The following CACNA1I variants were observed in gnomAD, a reference collection of about 807,000 sequenced individuals.
CACNA1I encodes voltage-dependent T-type calcium channel subunit alpha-1I.
A neutral mutation model predicts 201.6 loss-of-function variants in CACNA1I; 74 were observed. The observed-to-expected ratio is 0.37, with a 90% CI of 0.30 to 0.45. The LOEUF (loss-of-function observed/expected upper bound fraction) is 0.45, where lower values mean the gene tolerates loss of function less well. Ranked by LOEUF, CACNA1I falls within the 20% of genes least tolerant of loss-of-function variation. The pLI is 1.00. For missense variants in CACNA1I, 2,346 were observed against 3,138.1 expected (o/e 0.75, Z 6.03); for synonymous variants, 1,431 against 1,345.2 (o/e 1.06, Z -1.40).
Position 39,677,372 on chromosome 22 carries a change from T to C in CACNA1I, c.4886T>C (p.Leu1629Pro), listed in dbSNP as rs745852805. Residue 1629 changes from leucine (L) to proline (P), a missense_variant, in exon 30 of 37, where the codon CTC (leucine) becomes CCC (proline). By Grantham distance (98) the Leu-to-Pro change is moderately conservative (BLOSUM62 -3). Around this residue, in one of 13 missense-constraint regions of CACNA1I, gnomAD observed 50 missense variants for 43.6 expected, o/e 1.15. Transcript: ENST00000402142. The surrounding 1 kb of genome is among the most constrained non-coding windows in gnomAD (Gnocchi z 4.8). ...VGNLGLLFML[L>P]FFIYAALGVE... The stretch of plus-strand genomic sequence containing the variant: ...AACCTGGGCCTCCTCTTCATGCTGC[T>C]CTTCTTCATCTATGCTGCTCTCGGG... The C allele has an allele frequency of 6.2e-7, 1 of 1,600,040 alleles. No homozygotes were observed. The highest frequency in any genetic ancestry group is 8.5e-7 in the Non-Finnish European group (1 of 1,175,532).
At chr22:39,572,244 G>A (rs1932208431) in intron 1 of CACNA1I, among the ~76,000 whole-genome samples, 1 of 152,186 alleles carries the variant, frequency 6.6e-6, no homozygotes, top group African/African-American at 2.4e-5. Flanking sequence ...GACCACTGAG[G>A]AGGAGGCTTG....
At chr22:39,586,132 C>T (rs963650979) in intron 1 of CACNA1I, among the ~76,000 whole-genome samples, 20 of 150,008 alleles carry the variant, frequency 1.3e-4, no homozygotes, top group African/African-American at 4.7e-4. Context: ...GAGCCGAGAT[C>T]GTGCCATTGT....
At chr22:39,661,432 G>C (rs1439043312) in intron 16 of CACNA1I, 122 bp downstream of exon 16, 1 of 752,850 alleles carries the variant, frequency 1.3e-6, no homozygotes, top group Non-Finnish European at 2.0e-6. Context: ...GTCAGGCAGG[G>C]GCCATGTCTG....
Position 39,646,740 on chromosome 22 carries a change from T to C in CACNA1I, c.1321T>C (p.Tyr441His). ...PGDCYEEIFQ[Y>H]VCHILRKAKR... ...CGACTGCTACGAGGAGATCTTCCAG[T>C]ATGTCTGCCACATCCTGCGCAAGGC... is the stretch of plus-strand genomic sequence containing the variant. Residue 441 changes from tyrosine (Y) to histidine (H), a missense_variant, in exon 8 of 37, where the codon TAT becomes CAT. This residue lies in a region of CACNA1I where 312 missense variants were observed against 331.5 expected (regional missense o/e 0.94). Transcript: ENST00000402142. 1 of 1,598,054 alleles carries C rather than the reference T, an allele frequency of 6.3e-7. No individual in the cohort carries two copies. Among genetic ancestry groups the C allele is most frequent in the Non-Finnish European group, 8.5e-7 (1 of 1,172,674 alleles).
At chr22:39,590,882 G>A (rs1812621393) in intron 1 of CACNA1I, among the ~76,000 whole-genome samples, 1 of 152,178 alleles carries the variant, frequency 6.6e-6, no homozygotes, top group African/African-American at 2.4e-5. Flanking sequence ...ATCTCGCTCT[G>A]TCGCTCAGGC....
At chr22:39,616,948 C>A (rs892517381) in intron 3 of CACNA1I, among the ~76,000 whole-genome samples, 2 of 151,972 alleles carry the variant, frequency 1.3e-5, no homozygotes, top group Non-Finnish European at 2.9e-5. Context: ...GCCTGGTGGC[C>A]GTGTAGGGGA....
At chr22:39,661,757 C>T (rs942342558) in intron 16 of CACNA1I, among the ~76,000 whole-genome samples, 1 of 152,226 alleles carries the variant, frequency 6.6e-6, no homozygotes. Flanking sequence ...ATGTAACCTC[C>T]GGGTGGATGT....
At chr22:39,674,745 C>CATTT (rs10625462) in intron 29 of CACNA1I, among the ~76,000 whole-genome samples, 84,668 of 151,358 alleles carry the variant, frequency 0.56, 24,903 homozygotes, top group East Asian at 0.96. Context: ...GCCTCAGGCA[C>CATTT]ATTTATTCAT....
At chr22:39,670,285 G>C (rs753462902) in intron 25 of CACNA1I, 55 bp downstream of exon 25, 44 of 1,556,422 alleles carry the variant, frequency 2.8e-5, no homozygotes, top group Non-Finnish European at 3.4e-5. Context: ...CCTTCTGCCT[G>C]GGCCTGACCC....
chr22:39,608,987 G>C (rs991939073), intron 3 of CACNA1I, among the ~76,000 whole-genome samples: 1 of 152,212 alleles, frequency 6.6e-6, no homozygotes. Context: ...AGATCAGGCA[G>C]GTATGTCCCT....
intron 23 of CACNA1I, among the ~76,000 whole-genome samples, chr22:39,667,402 G>A (rs890633176): frequency 3.3e-5 from 5 of 152,178 alleles, no homozygotes; most frequent in East Asian, 1.9e-4. Context: ...TGGCAGGAGC[G>A]CAGAGGGGGG....
intron 4 of CACNA1I, among the ~76,000 whole-genome samples, chr22:39,621,671 A>G (rs1601468592): frequency 6.6e-6 from 1 of 151,970 alleles, no homozygotes; most frequent in Admixed American, 6.5e-5. Flanking sequence ...TCACAATACG[A>G]TAGAAAACGC....
In CACNA1I at chr22:39,665,367, G is replaced by A; in HGVS notation, c.3852-131G>A. 9.5e-7 allele frequency: 1 copy of A among 1,051,792 alleles called. No individual in the cohort carries two copies. 65.2% of individuals were successfully genotyped at this position (1,051,792 alleles called of 1,614,324 possible). On this transcript the variant is annotated intron_variant, in intron 21 of 36. Coordinates refer to ENST00000402142, the MANE Select transcript of CACNA1I (RefSeq NM_021096.4). The surrounding 1 kb of genome is among the most constrained non-coding windows in gnomAD (Gnocchi z 5.5). ...CCTGGAGACTGTCCTCATGCCCCAG[G>A]GTGTTCAGCCCTGGTGAGCCCTGGG...
chr22:39,628,582 G>A (rs1175231618), intron 4 of CACNA1I, among the ~76,000 whole-genome samples: 1 of 152,014 alleles, frequency 6.6e-6, no homozygotes, highest in African/African-American at 2.4e-5. Context: ...TCTCAGCAGT[G>A]GGCACCAAGG....
rs1040807877 is a variant in CACNA1I at position 39,687,033 on chromosome 22, G to C, written c.*628G>C. 7 of 152,208 alleles carry C rather than the reference G, an allele frequency of 4.6e-5. No homozygotes were observed. The highest frequency in any genetic ancestry group is 1.9e-4 in the East Asian group (1 of 5,160). 9.4% of individuals were successfully genotyped at this position (152,208 alleles called of 1,614,324 possible). A position where few individuals can be genotyped will look rare whatever the true frequency, so the allele number is the denominator to read the frequency against. ...TCTGTCCTGTCATCCTGACTGTCTC[G>C]TTATTGTGAAGTCTTTCGTAGACAC... On this transcript the variant is annotated 3_prime_UTR_variant, in exon 37 of 37. Coordinates refer to ENST00000402142, the MANE Select transcript of CACNA1I (RefSeq NM_021096.4).
chr22:39,576,361 A>C (rs1379423959), intron 1 of CACNA1I, among the ~76,000 whole-genome samples: 1 of 152,220 alleles, frequency 6.6e-6, no homozygotes, highest in Admixed American at 6.5e-5. Context: ...CAGATGAGGA[A>C]AGTGAAGCTC....
chr22:39,667,500 A>AC, intron 23 of CACNA1I, among the ~76,000 whole-genome samples: 1 of 152,252 alleles, frequency 6.6e-6, no homozygotes, highest in Admixed American at 6.5e-5. Flanking sequence ...CCCTTTGTGA[A>AC]CCTACTAACT....
At chr22:39,586,826 A>G (rs189893316) in intron 1 of CACNA1I, among the ~76,000 whole-genome samples, 2 of 152,262 alleles carry the variant, frequency 1.3e-5, no homozygotes, top group East Asian at 1.9e-4. Context: ...TCTCAGTTCA[A>G]TGGCTGCTTG....
At position 39,664,820 on chromosome 22, in the gene CACNA1I, G is replaced by A; in HGVS notation, c.3748G>A (p.Val1250Met). The change falls in exon 21 of 37, where the codon GTG becomes ATG. Residue 1250 changes from valine to methionine, a missense_variant. By Grantham distance (21) the Val-to-Met change is conservative. This residue lies in a region of CACNA1I where 158 missense variants were observed against 231.6 expected (regional missense o/e 0.68). Coordinates refer to ENST00000402142, the MANE Select transcript of CACNA1I (RefSeq NM_021096.4). ...WNVLDGFLVF[V>M]SIIDIVVSLA... Reference sequence around the variant, plus strand: ...CGTGCTGGATGGCTTTCTTGTCTTCGTGTCCATCATCGACATCGTGGTGTC... The same window carrying A: ...CGTGCTGGATGGCTTTCTTGTCTTCATGTCCATCATCGACATCGTGGTGTC... The A allele has an allele frequency of 6.2e-7, 1 of 1,613,056 alleles. No individual in the cohort carries two copies.
Sources: allele counts gnomAD v4.1 joint callset (sites outside exome capture counted in the v4.1 genomes callset), GRCh38; gene constraint gnomAD v4.1.1; regional missense constraint gnomAD v4.1.1; non-coding constraint Gnocchi (gnomAD v3.1); transcripts MANE v1.5; gene names NCBI Gene and HGNC (gene_info 2026-07-23, HGNC 2026-07-21).